AUH: variants seen among roughly 807,000 people sequenced by gnomAD.
The protein encoded by AUH is methylglutaconyl-CoA hydratase, mitochondrial.
AUH carries 29 observed loss-of-function variants against 42.3 expected under a neutral mutation model. That is an observed-to-expected ratio of 0.69 (90% CI 0.51 to 0.93). AUH has a LOEUF of 0.93. Among genes scored for constraint, AUH ranks in the 40% least tolerant of loss-of-function variants. The pLI is 0.00. For synonymous variants in AUH, 174 were observed against 166.4 expected (o/e 1.05, Z -0.35); for missense variants, 452 against 438.1 (o/e 1.03, Z -0.28).
chr9:91,289,225 T>C (rs1826663052), intron 6 of AUH, among the ~76,000 whole-genome samples: 1 of 152,246 alleles, frequency 6.6e-6, no homozygotes, highest in Non-Finnish European at 1.5e-5. Flanking sequence ...TTTAAACATC[T>C]GTTTTCTAGA....
chr9:91,266,599 T>C (rs1014639638), intron 6 of AUH, among the ~76,000 whole-genome samples: 9 of 152,102 alleles, frequency 5.9e-5, no homozygotes, highest in Admixed American at 5.9e-4. Flanking sequence ...TAGAAACCAG[T>C]TGATAAAAAT....
chr9:91,240,096 AAT>A (rs1828421315), intron 6 of AUH, among the ~76,000 whole-genome samples: 1 of 152,242 alleles, frequency 6.6e-6, no homozygotes, highest in African/African-American at 2.4e-5. Context: ...CTTATTTTTC[AAT>A]GTTTACATGC....
At chr9:91,259,930 A>G (rs920228744) in intron 6 of AUH, among the ~76,000 whole-genome samples, 1 of 152,114 alleles carries the variant, frequency 6.6e-6, no homozygotes, top group Admixed American at 6.5e-5. Flanking sequence ...TTGTTTCCTA[A>G]TACACCTAAA....
intron 6 of AUH, among the ~76,000 whole-genome samples, chr9:91,253,148 T>C (rs895925584): frequency 2.6e-5 from 4 of 152,180 alleles, no homozygotes; most frequent in African/African-American, 4.8e-5. Flanking sequence ...CTAATAAACA[T>C]TGCAACCTCG....
intron 4 of AUH, among the ~76,000 whole-genome samples, chr9:91,307,887 G>A (rs965739848): frequency 6.6e-6 from 1 of 152,154 alleles, no homozygotes; most frequent in African/African-American, 2.4e-5. Context: ...AGAAAAAAGG[G>A]TGGGAGAAGA....
chr9:91,360,006 G>A (rs1832726255), intron 1 of AUH, among the ~76,000 whole-genome samples: 1 of 149,940 alleles, frequency 6.7e-6, no homozygotes, highest in African/African-American at 2.4e-5. Context: ...AGGAAATCAA[G>A]GCTAAAGAAA....
At position 91,261,627 on chromosome 9, in the gene AUH, G is replaced by A. The variant is rs545282723; in HGVS notation, c.655+34394C>T. On this transcript the variant is annotated intron_variant, in intron 6 of 9. Transcript: ENST00000375731. ...GTGTAGCTACTTCCTATCCTGTGTT[G>A]TATCTCACATATTAATCCACTTCAG... Among the ~76,000 whole-genome samples, 6 of 152,308 alleles carry A rather than the reference G, an allele frequency of 3.9e-5. No homozygotes were observed. The South Asian group carries it at 1.2e-3, about 32-fold the overall frequency.
intron 6 of AUH, among the ~76,000 whole-genome samples, chr9:91,287,953 G>A (rs1176831869): frequency 1.3e-5 from 2 of 152,020 alleles, no homozygotes; most frequent in African/African-American, 2.4e-5. Context: ...GGAATGGAAG[G>A]AGAAAGAAAA....
intron 3 of AUH, among the ~76,000 whole-genome samples, chr9:91,353,244 G>A (rs530596068): frequency 3.3e-5 from 5 of 152,004 alleles, no homozygotes; most frequent in South Asian, 2.1e-4. Flanking sequence ...CTACTACCAC[G>A]CCCAGAAAAT....
intron 6 of AUH, among the ~76,000 whole-genome samples, chr9:91,295,785 CACTGGGAA>C (rs1330205249): frequency 6.6e-6 from 1 of 152,166 alleles, no homozygotes; most frequent in Non-Finnish European, 1.5e-5. Flanking sequence ...CTTTTATATG[CACTGGGAA>C]ACCAAAAAAT....
intron 3 of AUH, among the ~76,000 whole-genome samples, chr9:91,330,874 A>T (rs1830275331): frequency 6.6e-6 from 1 of 152,226 alleles, no homozygotes; most frequent in African/African-American, 2.4e-5. Flanking sequence ...AGTCATAATA[A>T]TTGCCTATGT....
chr9:91,304,938 T>A (rs1379930535), intron 4 of AUH, among the ~76,000 whole-genome samples: 2 of 152,222 alleles, frequency 1.3e-5, no homozygotes, highest in African/African-American at 4.8e-5. Flanking sequence ...TTTTGAGGTT[T>A]CAGTTACCCA....
At chr9:91,355,431 C>G (rs147502264) in intron 3 of AUH, among the ~76,000 whole-genome samples, 1 of 152,088 alleles carries the variant, frequency 6.6e-6, no homozygotes, top group African/African-American at 2.4e-5. Context: ...GTGGCAGGCG[C>G]CTGTAATCCC....
At chr9:91,357,426 G>A (rs1832500202) in intron 1 of AUH, 2 of 878,106 alleles carry the variant, frequency 2.3e-6, no homozygotes, top group Non-Finnish European at 2.7e-6. Context: ...TCCTCAGGAA[G>A]AAAATCAAGC....
chr9:91,244,287 A>G (rs1828676848), intron 6 of AUH, among the ~76,000 whole-genome samples: 2 of 152,224 alleles, frequency 1.3e-5, no homozygotes, highest in African/African-American at 4.8e-5. Context: ...GGTTCACTGT[A>G]TAGTATTAAT....
chr9:91,319,800 A>G (rs554059848), intron 4 of AUH, among the ~76,000 whole-genome samples: 4 of 152,348 alleles, frequency 2.6e-5, no homozygotes, highest in East Asian at 3.9e-4. Flanking sequence ...AAGCAACAGA[A>G]GACCCCAGAA....
At chr9:91,260,329 T>C (rs939639027) in intron 6 of AUH, among the ~76,000 whole-genome samples, 3 of 152,226 alleles carry the variant, frequency 2.0e-5, no homozygotes, top group African/African-American at 4.8e-5. Flanking sequence ...TTACATTTAA[T>C]GTAACTATCC....
At chr9:91,322,898 C>G (rs931365907) in intron 4 of AUH, among the ~76,000 whole-genome samples, 5 of 152,164 alleles carry the variant, frequency 3.3e-5, no homozygotes, top group Admixed American at 3.3e-4. Context: ...TAACACAACT[C>G]AGTATAATAA....
chr9:91,355,893 T>C lies in AUH; in HGVS notation c.408A>G (p.Ile136Met), dbSNP rs751160771. 56 of 1,609,900 alleles carry C rather than the reference T, an allele frequency of 3.5e-5. 2 individuals are homozygous for C. The South Asian group carries it at 5.8e-4, about 17-fold the overall frequency. The change falls in exon 3 of 10, where the codon ATA (isoleucine) becomes ATG (methionine). Residue 136 changes from isoleucine to methionine, a missense_variant. By Grantham distance (10) the Ile-to-Met change is conservative. Coordinates refer to ENST00000375731, the MANE Select transcript of AUH (RefSeq NM_001698.3). ...TIIIRSEVPG[I>M]FCAGADLKER... ...AACATATTTACATACCAGCACAGAATATCCCTGGGACTTCACTCCTGATTA... is the reference window on the plus strand; with the variant it reads ...AACATATTTACATACCAGCACAGAACATCCCTGGGACTTCACTCCTGATTA...
Sources: allele counts gnomAD v4.1 joint callset (sites outside exome capture counted in the v4.1 genomes callset), GRCh38; gene constraint gnomAD v4.1.1; transcripts MANE v1.5; gene names NCBI Gene and HGNC (gene_info 2026-07-23, HGNC 2026-07-21).